KLHL12: variants seen among roughly 807,000 people sequenced by gnomAD.
The protein encoded by KLHL12 is kelch-like protein 12.
In KLHL12, 17 loss-of-function variants were observed where a neutral mutation model predicts 60.8. The ratio of observed to expected loss-of-function variants is 0.28; its 90% CI spans 0.19 to 0.42. The LOEUF is 0.42. Ranked by LOEUF, KLHL12 falls within the 10% of genes least tolerant of loss-of-function variation. The pLI is 1.00. For missense variants in KLHL12, 468 were observed against 722.3 expected (o/e 0.65, Z 4.04); for synonymous variants, 220 against 250.9 (o/e 0.88, Z 1.16).
At chr1:202,910,932 G>T in intron 5 of KLHL12, 122 bp downstream of exon 5, 2 of 1,075,736 alleles carry the variant, frequency 1.9e-6, no homozygotes, top group Non-Finnish European at 1.4e-6. Context: ...ACTCTCACTG[G>T]CATTCCTAGA....
intron 2 of KLHL12, among the ~76,000 whole-genome samples, chr1:202,920,482 T>G (rs1381665774): frequency 7.0e-6 from 1 of 142,258 alleles, no homozygotes; most frequent in East Asian, 2.4e-4. Context: ...GTTCATGCCA[T>G]TCTCCTGGCT....
intron 4 of KLHL12, among the ~76,000 whole-genome samples, chr1:202,915,420 T>C (rs745682143): frequency 2.0e-5 from 3 of 152,140 alleles, no homozygotes; most frequent in Non-Finnish European, 2.9e-5. Context: ...GAAAAATATA[T>C]GTCACTTGCT....
chr1:202,920,526 G>A (rs1365678560), intron 2 of KLHL12, among the ~76,000 whole-genome samples: 3 of 151,128 alleles, frequency 2.0e-5, no homozygotes, highest in Non-Finnish European at 4.4e-5. Flanking sequence ...ACAGGCGCCC[G>A]CCACCACGCC....
intron 6 of KLHL12, 145 bp from the exon 7 acceptor site, chr1:202,897,105 A>C (rs1571515350): frequency 1.5e-6 from 1 of 688,322 alleles, no homozygotes; most frequent in East Asian, 2.6e-5. Flanking sequence ...GATAATCATA[A>C]GGCTGTCGAA....
Position 202,893,883 on chromosome 1 carries a change from C to T in KLHL12, c.1393+301G>A, listed in dbSNP as rs1339770608. On this transcript the variant is annotated intron_variant, in intron 10 of 11. Transcript: ENST00000367261. This position sits in a 1 kb window ranked among gnomAD's most constrained non-coding sequence, Gnocchi z 4.1. Reference sequence around the variant, plus strand: ...TGAAGGTAAGTAGCTACTCTTTTGTCCTTATGCATTAGAGACTTTATTTAA... The same window carrying T: ...TGAAGGTAAGTAGCTACTCTTTTGTTCTTATGCATTAGAGACTTTATTTAA... Among the ~76,000 whole-genome samples the T allele has an allele frequency of 6.6e-6, 1 of 152,144 alleles. No homozygotes were observed. The highest frequency in any genetic ancestry group is 1.5e-5 in the Non-Finnish European group (1 of 68,028).
chr1:202,917,726 C>A (rs1660566092), intron 4 of KLHL12, among the ~76,000 whole-genome samples: 1 of 152,162 alleles, frequency 6.6e-6, no homozygotes, highest in African/African-American at 2.4e-5. Context: ...CTCTTTATAA[C>A]ATTTTTTTTG....
At chr1:202,896,747 C>T in intron 7 of KLHL12, 107 bp downstream of exon 7, 1 of 838,984 alleles carries the variant, frequency 1.2e-6, no homozygotes, top group Admixed American at 1.9e-5. Context: ...TAAGAAACAT[C>T]CTGTTATTAG....
At chr1:202,903,252 G>A (rs1420741247) in intron 6 of KLHL12, among the ~76,000 whole-genome samples, 2 of 150,480 alleles carry the variant, frequency 1.3e-5, no homozygotes, top group Non-Finnish European at 3.0e-5. Flanking sequence ...CACTATAAAG[G>A]TGCCAACTCA....
chr1:202,911,419 A>AAT (rs1553237944), intron 4 of KLHL12, among the ~76,000 whole-genome samples: 2,440 of 150,852 alleles, frequency 0.016, 77 homozygotes, highest in Admixed American at 0.077. Flanking sequence ...TTAAAAAAAA[A>AAT]ATATATATAT....
upstream of KLHL12, among the ~76,000 whole-genome samples, chr1:202,927,696 A>AG (rs1243137623): frequency 5.9e-5 from 6 of 101,700 alleles, no homozygotes; most frequent in Admixed American, 1.1e-4. Flanking sequence ...AAAAAAAAAA[A>AG]TGTCCAGGCG....
Position 202,896,835 on chromosome 1 carries a change from T to C in KLHL12, c.939+19A>G, listed in dbSNP as rs1659848436. On this transcript the variant is annotated intron_variant, in intron 7 of 11. Transcript: ENST00000367261. ...GACATTTAACATCCCTCCCAACGAA[T>C]GGTTTCACCATTATTTACTGGCAAA... The C allele has an allele frequency of 2.5e-6, 4 of 1,569,156 alleles. No homozygotes were observed. Among genetic ancestry groups the C allele is most frequent in the Admixed American group, 1.7e-5 (1 of 59,958 alleles).
In KLHL12 at chr1:202,918,201, C is replaced by A. The variant is rs1160015614; in HGVS notation, c.537G>T (p.Val179=). 1 of 1,613,936 alleles carries A rather than the reference C, an allele frequency of 6.2e-7. No individual in the cohort carries two copies. Among genetic ancestry groups the A allele is most frequent in the Non-Finnish European group, 8.5e-7 (1 of 1,179,954 alleles). Residue 179 remains valine (V), a synonymous_variant, in exon 4 of 12, where the codon GTG becomes GTT. Coordinates refer to ENST00000367261, the MANE Select transcript of KLHL12 (RefSeq NM_021633.4). ...EEFILLSQGE[V]EKLIKCDEIQ... ...TTTCGTCGCACTTGATTAGCTTTTC[C>A]ACCTCTCCTTGACTCAGAAGAATGA...
At position 202,893,052 on chromosome 1, in the gene KLHL12, T is replaced by A. The variant is rs1288618752; in HGVS notation, c.1580+187A>T. On this transcript the variant is annotated intron_variant, in intron 11 of 11. Transcript: ENST00000367261. This position sits in a 1 kb window ranked among gnomAD's most constrained non-coding sequence, Gnocchi z 4.1. ...GTGGTCCCAGCTACTCTACTCAGAC[T>A]CCAGCCTGGGTGACAGAGCAATACT... Among the ~76,000 whole-genome samples, 2 of 151,502 alleles carry A rather than the reference T, an allele frequency of 1.3e-5. No individual in the cohort carries two copies. Among genetic ancestry groups the A allele is most frequent in the African/African-American group, 4.9e-5 (2 of 41,192 alleles).
Position 202,892,197 on chromosome 1 carries a change from A to T in KLHL12, c.*336T>A. On this transcript the variant is annotated 3_prime_UTR_variant, in exon 12 of 12. Transcript: ENST00000367261. Reference sequence around the variant, plus strand: ...GGCTATACTCACCTTAGTTCTTTGCAACATATGAGGCACAACATACATATA... The same window carrying T: ...GGCTATACTCACCTTAGTTCTTTGCTACATATGAGGCACAACATACATATA... The T allele has an allele frequency of 5.0e-6, 1 of 201,758 alleles. No homozygotes were observed. The highest frequency in any genetic ancestry group is 5.9e-5 in the Admixed American group (1 of 17,072). 12.5% of individuals were successfully genotyped at this position (201,758 alleles called of 1,614,324 possible).
chr1:202,896,769 C>T, intron 7 of KLHL12, 85 bp downstream of exon 7: 1 of 1,034,246 alleles, frequency 9.7e-7, no homozygotes, highest in Non-Finnish European at 1.5e-6. Flanking sequence ...CTTTTCTACT[C>T]TTAAGGCTGG....
intron 2 of KLHL12, 24 bp downstream of exon 2, chr1:202,924,944 G>A (rs1440602492): frequency 6.2e-7 from 1 of 1,603,284 alleles, no homozygotes; most frequent in Non-Finnish European, 8.5e-7. Context: ...GGTTTCATTT[G>A]TGTGGGGCTA....
rs1659676050 is a variant in KLHL12 at position 202,891,540 on chromosome 1, T to C, written c.*993A>G. ...TCAGGTAGCTGAACTACTAGGCTAC[T>C]GTCACTCCCAGCCCATCCCCAAATA... On this transcript the variant is annotated 3_prime_UTR_variant, in exon 12 of 12. Transcript: ENST00000367261. The C allele has an allele frequency of 6.6e-6, 1 of 152,298 alleles. No individual in the cohort carries two copies. Among genetic ancestry groups the C allele is most frequent in the South Asian group, 2.1e-4 (1 of 4,836 alleles). 9.4% of individuals were successfully genotyped at this position (152,298 alleles called of 1,614,324 possible).
At chr1:202,906,370 G>A (rs61821054) in intron 6 of KLHL12, among the ~76,000 whole-genome samples, 112,834 of 144,756 alleles carry the variant, frequency 0.78, 45,135 homozygotes, top group East Asian at 0.89. Context: ...CAGGAGAATC[G>A]CTTGAACCCA....
intron 6 of KLHL12, among the ~76,000 whole-genome samples, chr1:202,900,555 T>G (rs1659975834): frequency 6.7e-6 from 1 of 148,690 alleles, no homozygotes; most frequent in Non-Finnish European, 1.5e-5. Flanking sequence ...TCTCAAAAAA[T>G]AAAATAAAGT....
Sources: allele counts gnomAD v4.1 joint callset (sites outside exome capture counted in the v4.1 genomes callset), GRCh38; gene constraint gnomAD v4.1.1; non-coding constraint Gnocchi (gnomAD v3.1); transcripts MANE v1.5; gene names NCBI Gene and HGNC (gene_info 2026-07-23, HGNC 2026-07-21).